LDLRAD4: variants seen among roughly 807,000 people sequenced by gnomAD.
LDLRAD4 encodes low density lipoprotein receptor class A domain containing 4.
A neutral mutation model predicts 17.0 loss-of-function variants in LDLRAD4; 5 were observed. The observed-to-expected ratio is 0.29, with a 90% CI of 0.15 to 0.62. The LOEUF (loss-of-function observed/expected upper bound fraction) is 0.62. Among genes scored for constraint, LDLRAD4 ranks in the 20% least tolerant of loss-of-function variants. The probability of loss-of-function intolerance (pLI) is 0.84; values close to 1 mark genes in which losing one functional copy is unlikely to be tolerated. For missense variants in LDLRAD4, 340 were observed against 424.7 expected, an observed-to-expected ratio of 0.80 and a Z score of 1.75; for synonymous variants, 168 against 171.8, an observed-to-expected ratio of 0.98 and a Z score of 0.17.
At chr18:13,374,924 C>G (rs1360707573) in intron 1 of LDLRAD4, among the ~76,000 whole-genome samples, 1 of 152,168 alleles carries the variant, frequency 6.6e-6, no homozygotes, top group Non-Finnish European at 1.5e-5. Flanking sequence ...TCTGCAGCCC[C>G]ATGACGGGGA....
At chr18:13,321,756 G>T (rs1016676849) in intron 1 of LDLRAD4, among the ~76,000 whole-genome samples, 3 of 151,060 alleles carry the variant, frequency 2.0e-5, no homozygotes, top group Non-Finnish European at 4.4e-5. Flanking sequence ...AGCTGCTCGG[G>T]AGGCTGAGGC....
intron 3 of LDLRAD4, among the ~76,000 whole-genome samples, chr18:13,620,511 C>G (rs1471963833): frequency 6.6e-6 from 1 of 152,242 alleles, no homozygotes; most frequent in Non-Finnish European, 1.5e-5. Flanking sequence ...TCTGGCTCAC[C>G]TGCTTCCAGC....
chr18:13,469,222 A>G (rs2092704809), intron 3 of LDLRAD4, among the ~76,000 whole-genome samples: 1 of 152,232 alleles, frequency 6.6e-6, no homozygotes, highest in Non-Finnish European at 1.5e-5. Flanking sequence ...GATTTTAAAA[A>G]TCAGAAAATA....
intron 3 of LDLRAD4, among the ~76,000 whole-genome samples, chr18:13,575,617 T>G (rs2094758174): frequency 6.6e-6 from 1 of 152,264 alleles, no homozygotes; most frequent in South Asian, 2.1e-4. Flanking sequence ...ATGGTAGTTC[T>G]TTCTACTTTT....
chr18:13,433,402 C>T (rs2146078022), intron 2 of LDLRAD4, among the ~76,000 whole-genome samples: 1 of 152,260 alleles, frequency 6.6e-6, no homozygotes, highest in East Asian at 1.9e-4. Flanking sequence ...TTTGCCAATT[C>T]ACAAAAAAGG....
intron 1 of LDLRAD4, among the ~76,000 whole-genome samples, chr18:13,375,611 G>A (rs980581926): frequency 7.9e-5 from 12 of 152,238 alleles, no homozygotes; most frequent in African/African-American, 2.7e-4. Flanking sequence ...ACCTATTTAA[G>A]TATTTGAAGA....
intron 3 of LDLRAD4, chr18:13,490,393 T>C (rs935166592): frequency 2.0e-5 from 3 of 152,232 alleles, no homozygotes; most frequent in Non-Finnish European, 4.4e-5. Flanking sequence ...GTAAGTATAA[T>C]GCAAGTTTTC....
chr18:13,492,421 T>C (rs1437381871), intron 3 of LDLRAD4, among the ~76,000 whole-genome samples: 2 of 152,230 alleles, frequency 1.3e-5, no homozygotes, highest in Non-Finnish European at 2.9e-5. Context: ...TATTAACAGA[T>C]GGAGTTGGTC....
chr18:13,240,911 C>CTT (rs910932532), intron 1 of LDLRAD4: 2 of 151,054 alleles, frequency 1.3e-5, no homozygotes, highest in African/African-American at 2.5e-5. Flanking sequence ...TCGAGGCGGG[C>CTT]TTTTTTTTTC....
chr18:13,521,287 A>G (rs1233821982), intron 3 of LDLRAD4: 2 of 148,492 alleles, frequency 1.3e-5, no homozygotes, highest in African/African-American at 5.3e-5. Flanking sequence ...TTTGTTTGCA[A>G]AATTTGGTTG....
chr18:13,579,786 A>T (rs776017489), intron 3 of LDLRAD4, among the ~76,000 whole-genome samples: 10 of 152,198 alleles, frequency 6.6e-5, no homozygotes, highest in Non-Finnish European at 7.4e-5. Flanking sequence ...CATTTGCGGT[A>T]TTCTTTTTCC....
intron 2 of LDLRAD4, among the ~76,000 whole-genome samples, chr18:13,429,139 G>A (rs1481198818): frequency 6.6e-6 from 1 of 152,152 alleles, no homozygotes; most frequent in African/African-American, 2.4e-5. Context: ...TCGGGACATG[G>A]GAAGGATGCG....
In LDLRAD4 at chr18:13,621,426, C is replaced by G. The variant is rs1324381033; in HGVS notation, c.336+155C>G. 6.6e-6 allele frequency among the ~76,000 whole-genome samples: 1 copy of G among 152,248 alleles called. No individual in the cohort carries two copies. Among genetic ancestry groups the G allele is most frequent in the Non-Finnish European group, 1.5e-5 (1 of 68,040 alleles). On this transcript the variant is annotated intron_variant, in intron 4 of 5. Transcript: ENST00000359446. This position sits in a 1 kb window ranked among gnomAD's most constrained non-coding sequence, Gnocchi z 5.5. Reference sequence around the variant, plus strand: ...GTTCCACTTAGTGAGTCCCCACAAACTGAACACACCAGTGTGACCAGCACC... The same window carrying G: ...GTTCCACTTAGTGAGTCCCCACAAAGTGAACACACCAGTGTGACCAGCACC...
intron 3 of LDLRAD4, among the ~76,000 whole-genome samples, chr18:13,526,842 G>C (rs550314147): frequency 1.3e-5 from 2 of 152,254 alleles, no homozygotes; most frequent in South Asian, 2.1e-4. Flanking sequence ...GCTTCTGAGT[G>C]CTGGTCCAAA....
At chr18:13,620,938 T>A in intron 3 of LDLRAD4, 179 bp from the exon 5 acceptor site, 1 of 848,090 alleles carries the variant, frequency 1.2e-6, no homozygotes, top group Non-Finnish European at 1.9e-6. Context: ...GCCTCCCGAC[T>A]GTGCCGTGGT....
At chr18:13,567,830 A>G (rs2094627379) in intron 3 of LDLRAD4, among the ~76,000 whole-genome samples, 1 of 152,142 alleles carries the variant, frequency 6.6e-6, no homozygotes. Flanking sequence ...TTTAAACTCT[A>G]CCCTATAAAC....
chr18:13,325,496 G>A (rs1035253010), intron 1 of LDLRAD4, among the ~76,000 whole-genome samples: 3 of 152,176 alleles, frequency 2.0e-5, no homozygotes, highest in Non-Finnish European at 4.4e-5. Flanking sequence ...TGCCCGGCCT[G>A]ACTCCATGAC....
At position 13,505,630 on chromosome 18, in the gene LDLRAD4, T is replaced by C. The variant is rs1235800514; in HGVS notation, c.181+67246T>C. ...GTCAGGAGATTGAGACCATCCTGGCTAGCACGGTGAAACTCATCTCTACTA... is the reference window on the plus strand; with the variant it reads ...GTCAGGAGATTGAGACCATCCTGGCCAGCACGGTGAAACTCATCTCTACTA... On this transcript the variant is annotated intron_variant, in intron 3 of 5. Transcript: ENST00000359446. Among the ~76,000 whole-genome samples, 53 of 152,166 alleles carry C rather than the reference T, an allele frequency of 3.5e-4. 1 individual carries two copies. Among genetic ancestry groups the C allele is most frequent in the Non-Finnish European group, 7.4e-5 (5 of 68,006 alleles).
At chr18:13,624,878 C>T (rs755469199) in intron 4 of LDLRAD4, among the ~76,000 whole-genome samples, 6 of 152,194 alleles carry the variant, frequency 3.9e-5, no homozygotes, top group Non-Finnish European at 8.8e-5. Context: ...CAGGGCAAGG[C>T]GGCTGGGGAG....
Sources: allele counts gnomAD v4.1 joint callset (sites outside exome capture counted in the v4.1 genomes callset), GRCh38; gene constraint gnomAD v4.1.1; non-coding constraint Gnocchi (gnomAD v3.1); transcripts MANE v1.5; gene names NCBI Gene and HGNC (gene_info 2026-07-23, HGNC 2026-07-21).